NOP56: variants seen among roughly 807,000 people sequenced by gnomAD.
NOP56 encodes the protein NOP56 ribonucleoprotein, also known as nucleolar protein 56.
NOP56 carries 31 observed loss-of-function variants against 58.3 expected under a neutral mutation model. The observed-to-expected ratio is 0.53, with a 90% CI of 0.40 to 0.72. The LOEUF is 0.72. NOP56 is among the 30% of genes least tolerant of loss of function. The pLI, the probability that NOP56 is intolerant of heterozygous loss-of-function variation, is 0.00. For missense variants in NOP56, 669 were observed against 739.9 expected (o/e 0.90, Z 1.11); for synonymous variants, 313 against 282.8 (o/e 1.11, Z -1.07).
chr20:2,656,097 G>A (rs749294648), intron 8 of NOP56, 63 bp downstream of exon 8: 21 of 1,613,470 alleles, frequency 1.3e-5, no homozygotes, highest in Non-Finnish European at 1.6e-5. Context: ...CTTGTTGGGG[G>A]ATCACGGTGA....
At chr20:2,657,258 T>C in intron 11 of NOP56, 40 bp downstream of exon 11, 2 of 1,613,472 alleles carry the variant, frequency 1.2e-6, no homozygotes, top group Non-Finnish European at 1.7e-6. Context: ...TCCTAGGTTG[T>C]AGGATTTTCA....
chr20:2,654,454 C>G lies in NOP56; in HGVS notation c.249C>G (p.His83Gln). 1.2e-6 allele frequency: 2 copies of G among 1,614,114 alleles called. No homozygotes were observed. The highest frequency in any genetic ancestry group is 1.7e-6 in the Non-Finnish European group (2 of 1,180,014). ...HEDLRLLLET[H>Q]LPSKKKKVLL... ...ACCTCCGCCTGCTCTTGGAGACCCA[C>G]CTGCCGTCCAAAAAGAAGAAAGTAC... The change falls in exon 4 of 12, where the codon CAC becomes CAG. Residue 83 changes from histidine (H) to glutamine (Q), a missense_variant. His to Gln is a conservative substitution (Grantham distance 24). This residue lies in a region of NOP56 where 121 missense variants were observed against 113.1 expected (regional missense o/e 1.07). Coordinates refer to ENST00000329276, the MANE Select transcript of NOP56 (RefSeq NM_006392.4).
At chr20:2,652,752 GGCCTGCGCCTGC>G (rs566242628) in intron 1 of NOP56, 78 bp from the exon 2 acceptor site, 953 of 1,508,458 alleles carry the variant, frequency 6.3e-4, no homozygotes, top group Non-Finnish European at 7.5e-4. Flanking sequence ...CCTGGGCCTG[GGCCTGCGCCTGC>G]GCCTGCGCCT....
At position 2,654,745 on chromosome 20, in the gene NOP56, T is replaced by G. The variant is rs1412683438; in HGVS notation, c.371-4T>G. The G allele has an allele frequency of 1.2e-5, 20 of 1,613,432 alleles. No individual in the cohort carries two copies. Among genetic ancestry groups the G allele is most frequent in the Non-Finnish European group, 1.7e-5 (20 of 1,179,888 alleles). On this transcript the variant is annotated splice_region_variant and splice_polypyrimidine_tract_variant and intron_variant, in intron 4 of 11. Coordinates refer to ENST00000329276, the MANE Select transcript of NOP56 (RefSeq NM_006392.4). ...TGTTGCTCACCGTCTTGCCCTCTTC[T>G]TAGGAGTTCGTCTGCACTTCCACAA...
chr20:2,653,130 C>T, intron 2 of NOP56, 149 bp from the exon 3 acceptor site: 2 of 810,136 alleles, frequency 2.5e-6, no homozygotes, highest in Admixed American at 2.3e-5. Context: ...CTCCCGGACG[C>T]CGCCCCCGAA....
At position 2,652,746 on chromosome 20, in the gene NOP56, GGCCTGGGCCTGC is replaced by G. The variant is rs759298593; in HGVS notation, c.3+89_4-79del. ...GGGCCGCAGACAGGGCCTGGGCCTGGGCCTGGGCCTGCGCCTGCGCCTGCGCCTGCCCTGGGA... is the reference window on the plus strand; with the variant it reads ...GGGCCGCAGACAGGGCCTGGGCCTGGGCCTGCGCCTGCGCCTGCCCTGGGA... On this transcript the variant is annotated intron_variant, in intron 1 of 11. Coordinates refer to ENST00000329276, the MANE Select transcript of NOP56 (RefSeq NM_006392.4). The G allele has an allele frequency of 1.4e-3, 2,140 of 1,529,832 alleles. 11 individuals carry two copies. The Middle Eastern group carries it at 0.019, about 13-fold the overall frequency. The allele number at this position is 1,529,832 out of a possible 1,614,324, so 94.8% of individuals were successfully genotyped here.
At position 2,654,395 on chromosome 20, in the gene NOP56, C is replaced by T. The variant is rs747282424; in HGVS notation, c.209-19C>T. 1.9e-6 allele frequency: 3 copies of T among 1,613,970 alleles called. No homozygotes were observed. In the East Asian group the frequency reaches 6.7e-5, roughly 36 times the overall value. On this transcript the variant is annotated intron_variant, in intron 3 of 11. Transcript: ENST00000329276. The stretch of plus-strand genomic sequence containing the variant: ...TCGTCCTTCAGCCTGTTAGTGGGAA[C>T]TGTGTTCTTTCCCCTGAGGGGTTGT...
At chr20:2,653,046 G>T (rs2086770895) in intron 2 of NOP56, 115 bp downstream of exon 2, 2 of 962,222 alleles carry the variant, frequency 2.1e-6, no homozygotes, top group Non-Finnish European at 3.1e-6. Flanking sequence ...GGGGGGACGG[G>T]CCTGGAAAGC....
Position 2,655,471 on chromosome 20 carries a change from C to T in NOP56, c.716C>T (p.Ala239Val). ...EKLEELTMDGAKAKAILDASR... is the reference protein window; with the variant it reads ...EKLEELTMDGVKAKAILDASR... The stretch of plus-strand genomic sequence containing the variant: ...CTGGAGGAGCTGACAATGGATGGGG[C>T]CAAGGCTAAGGCTATTCTGGATGCC... Residue 239 changes from alanine to valine, a missense_variant, in exon 6 of 12, where the codon GCC becomes GTC. Physicochemically the swap from Ala to Val is moderately conservative, Grantham distance 64 (BLOSUM62 0). Around this residue, in one of 3 missense-constraint regions of NOP56, gnomAD observed 339 missense variants for 430.5 expected, o/e 0.79. Coordinates refer to ENST00000329276, the MANE Select transcript of NOP56 (RefSeq NM_006392.4). 2 of 1,614,112 alleles carry T rather than the reference C, an allele frequency of 1.2e-6. No individual in the cohort carries two copies. The highest frequency in any genetic ancestry group is 8.5e-7 in the Non-Finnish European group (1 of 1,180,018).
At chr20:2,654,372 GTCC>G (rs774140634) in intron 3 of NOP56, 39 bp from the exon 4 acceptor site, 1 of 1,611,194 alleles carries the variant, frequency 6.2e-7, no homozygotes, top group South Asian at 1.1e-5. Context: ...AGAGTTGATC[GTCC>G]TTCAGCCTGT....
At chr20:2,654,060 A>T (rs2086785306) in intron 3 of NOP56, 1 of 453,512 alleles carries the variant, frequency 2.2e-6, no homozygotes, top group Non-Finnish European at 4.4e-6. Flanking sequence ...TCGATTGGAA[A>T]GGGCAGTTGG....
chr20:2,654,758 T>C lies in NOP56; in HGVS notation c.380T>C (p.Leu127Pro). 1 of 1,613,908 alleles carries C rather than the reference T, an allele frequency of 6.2e-7. No homozygotes were observed. Among genetic ancestry groups the C allele is most frequent in the East Asian group, 2.2e-5 (1 of 44,882 alleles). Reference sequence around the variant, plus strand: ...CTTGCCCTCTTCTTAGGAGTTCGTCTGCACTTCCACAATCTGGTGAAGGGT... The same window carrying C: ...CTTGCCCTCTTCTTAGGAGTTCGTCCGCACTTCCACAATCTGGTGAAGGGT... ...VIAEILRGVRLHFHNLVKGLT... is the reference protein window; with the variant it reads ...VIAEILRGVRPHFHNLVKGLT... Residue 127 changes from leucine (L) to proline (P), a missense_variant, in exon 5 of 12, where the codon CTG becomes CCG. Transcript: ENST00000329276.
intron 5 of NOP56, 97 bp from the exon 6 acceptor site, chr20:2,655,218 CTTTGTCCCAT>C: frequency 7.2e-7 from 1 of 1,381,778 alleles, no homozygotes; most frequent in African/African-American, 1.4e-5. Flanking sequence ...AGATTTGGAT[CTTTGTCCCAT>C]TTCCTCCAGG....
At position 2,658,243 on chromosome 20, in the gene NOP56, G is replaced by C. The variant is rs780689291; in HGVS notation, c.1734G>C (p.Lys578Asn). ...VSSGPEEAVG[K>N]SSSKKKKKFH... ...GTGGGCCTGAAGAGGCGGTTGGCAAGAGCAGCTCCAAGAAGAAGAAAAAGT... is the reference window on the plus strand; with the variant it reads ...GTGGGCCTGAAGAGGCGGTTGGCAACAGCAGCTCCAAGAAGAAGAAAAAGT... The change falls in exon 12 of 12, where the codon AAG becomes AAC. Residue 578 changes from lysine to asparagine, a missense_variant. Transcript: ENST00000329276. 2 of 1,599,058 alleles carry C rather than the reference G, an allele frequency of 1.3e-6. No homozygotes were observed. Among genetic ancestry groups the C allele is most frequent in the East Asian group, 4.5e-5 (2 of 44,648 alleles).
intron 3 of NOP56, 186 bp from the exon 4 acceptor site, chr20:2,654,228 C>T (rs184306161): frequency 1.7e-5 from 13 of 775,276 alleles, no homozygotes; most frequent in Admixed American, 5.1e-5. Flanking sequence ...TGATGACTTG[C>T]GAATCAAATC....
At position 2,657,067 on chromosome 20, in the gene NOP56, T is replaced by A; in HGVS notation, c.1282-14T>A. The A allele has an allele frequency of 6.2e-7, 1 of 1,614,038 alleles. No individual in the cohort carries two copies. ...AGAAGTCTTCAGGCCCTTTTAGCAC[T>A]TTTCTTTGACCAGGCAGAGGAAGCG... On this transcript the variant is annotated splice_polypyrimidine_tract_variant and intron_variant, in intron 10 of 11. Transcript: ENST00000329276.
intron 3 of NOP56, chr20:2,654,074 A>G (rs2146292539): frequency 2.0e-6 from 1 of 493,790 alleles, no homozygotes; most frequent in Admixed American, 2.1e-5. Flanking sequence ...CAGTTGGGTA[A>G]ACACAGGCTG....
At chr20:2,656,255 A>G (rs960149562) in intron 8 of NOP56, 146 bp from the exon 9 acceptor site, 2 of 1,605,060 alleles carry the variant, frequency 1.2e-6, no homozygotes, top group Non-Finnish European at 1.7e-6. Context: ...TCTGGGAGCT[A>G]TGGGTTGGCA....
chr20:2,656,025 C>G lies in NOP56; in HGVS notation c.1001C>G (p.Ala334Gly). Residue 334 changes from alanine to glycine, a missense_variant, in exon 8 of 12, where the codon GCC becomes GGC. Coordinates refer to ENST00000329276, the MANE Select transcript of NOP56 (RefSeq NM_006392.4). ...GTGCAGATCCTTGGGGCTGAAAAGG[C>G]CCTGTTCAGGTACCAGTGAGGGCAC... ...STVQILGAEKALFRALKTRGN... is the reference protein window; with the variant it reads ...STVQILGAEKGLFRALKTRGN... 6.2e-7 allele frequency: 1 copy of G among 1,614,154 alleles called. No homozygotes were observed. Among genetic ancestry groups the G allele is most frequent in the Non-Finnish European group, 8.5e-7 (1 of 1,180,034 alleles).
Sources: gnomAD v4.1 joint callset for allele counts on GRCh38, gnomAD v4.1.1 for gene constraint, gnomAD v4.1.1 regional missense constraint, MANE v1.5 for transcripts, NCBI Gene and HGNC (gene_info 2026-07-23, HGNC 2026-07-21) for gene names.